NR5A2: variants seen among roughly 807,000 people sequenced by gnomAD.
NR5A2 encodes nuclear receptor subfamily 5 group A member 2.
In NR5A2, 26 loss-of-function variants were observed where a neutral mutation model predicts 62.7. That is an observed-to-expected ratio of 0.41 (90% CI 0.30 to 0.58). The LOEUF is 0.58. Among genes scored for constraint, NR5A2 ranks in the 20% least tolerant of loss-of-function variants. The probability of loss-of-function intolerance (pLI) is 0.22; values close to 1 mark genes in which losing one functional copy is unlikely to be tolerated. For synonymous variants in NR5A2, 246 were observed against 241.7 expected (o/e 1.02, Z -0.16); for missense variants, 541 against 669.1 (o/e 0.81, Z 2.11).
chr1:200,155,643 T>A (rs1653340263), intron 7 of NR5A2, among the ~76,000 whole-genome samples: 1 of 152,220 alleles, frequency 6.6e-6, no homozygotes, highest in Non-Finnish European at 1.5e-5. Context: ...AATGGAGGAT[T>A]AATGACAATG....
At chr1:200,058,102 T>C (rs1355305662) in intron 5 of NR5A2, 1 of 152,256 alleles carries the variant, frequency 6.6e-6, no homozygotes, top group East Asian at 1.9e-4. Context: ...TCAGCCAAAT[T>C]GTACTTTCAG....
At chr1:200,031,413 CTTGGGGG>C (rs1467488367) in intron 1 of NR5A2, among the ~76,000 whole-genome samples, 13 of 151,850 alleles carry the variant, frequency 8.6e-5, no homozygotes, top group African/African-American at 3.1e-4. Flanking sequence ...GTGACTAGGG[CTTGGGGG>C]TTGAGGTAGG....
chr1:200,030,169 G>A (rs1661500232), intron 1 of NR5A2, among the ~76,000 whole-genome samples: 1 of 152,184 alleles, frequency 6.6e-6, no homozygotes, highest in South Asian at 2.1e-4. Context: ...ATGGCAAATT[G>A]CAAGTTGGGC....
At chr1:200,100,254 C>T (rs1334601633) in intron 5 of NR5A2, among the ~76,000 whole-genome samples, 3 of 152,182 alleles carry the variant, frequency 2.0e-5, no homozygotes, top group Non-Finnish European at 4.4e-5. Context: ...TTTTCTAGTT[C>T]ATGAACATTT....
At chr1:200,095,799 G>A (rs145251232) in intron 5 of NR5A2, among the ~76,000 whole-genome samples, 306 of 152,074 alleles carry the variant, frequency 2.0e-3, no homozygotes, top group African/African-American at 6.7e-3. Flanking sequence ...TGATCTGCCC[G>A]CCTTGGCCTC....
chr1:200,138,673 G>A (rs943693021), intron 7 of NR5A2, among the ~76,000 whole-genome samples: 2 of 151,932 alleles, frequency 1.3e-5, no homozygotes, highest in African/African-American at 4.8e-5. Flanking sequence ...TTACTGAATC[G>A]CTTGTCTTTC....
intron 6 of NR5A2, among the ~76,000 whole-genome samples, chr1:200,114,716 C>T (rs1183722750): frequency 6.6e-6 from 1 of 152,124 alleles, no homozygotes; most frequent in East Asian, 1.9e-4. Context: ...GAGTCAACAA[C>T]CCCACGAAGA....
intron 5 of NR5A2, among the ~76,000 whole-genome samples, chr1:200,095,728 AT>A (rs3838440): frequency 0.88 from 133,908 of 151,790 alleles, 59,373 homozygotes; most frequent in African/African-American, 0.97. Context: ...AATTTTTTGT[AT>A]TTTTAGTAGA....
chr1:200,041,266 G>A (rs767287970), intron 2 of NR5A2, among the ~76,000 whole-genome samples: 1 of 152,184 alleles, frequency 6.6e-6, no homozygotes, highest in Non-Finnish European at 1.5e-5. Flanking sequence ...CGTTTTCTTT[G>A]GAAAGTTCGA....
chr1:200,111,292 G>A lies in NR5A2; in HGVS notation c.1201G>A (p.Gly401Arg), dbSNP rs757881323. The A allele has an allele frequency of 1.2e-6, 2 of 1,611,416 alleles. No individual in the cohort carries two copies. The highest frequency in any genetic ancestry group is 4.5e-5 in the East Asian group (2 of 44,828). Residue 401 changes from glycine to arginine, a missense_variant, in exon 6 of 8, where the codon GGA (glycine) becomes AGA (arginine). By Grantham distance (125) the Gly-to-Arg change is moderately radical (BLOSUM62 -2). Transcript: ENST00000367362. The stretch of plus-strand genomic sequence containing the variant: ...CCGACAAGTGGTACATGGAAAGGAA[G>A]GATCCATCTTCCTGGTTACTGGGCA... Reference protein sequence around the residue: ...IYRQVVHGKEGSIFLVTGQQV... With the variant: ...IYRQVVHGKERSIFLVTGQQV...
chr1:200,120,631 G>A (rs1215521275), intron 6 of NR5A2, among the ~76,000 whole-genome samples, 177 bp from the exon 7 acceptor site: 1 of 152,196 alleles, frequency 6.6e-6, no homozygotes, highest in East Asian at 1.9e-4. Flanking sequence ...GCCAAGGCCA[G>A]AGGATCACTT....
At chr1:200,128,406 T>C (rs1430968187) in intron 7 of NR5A2, among the ~76,000 whole-genome samples, 2 of 152,202 alleles carry the variant, frequency 1.3e-5, no homozygotes, top group Non-Finnish European at 2.9e-5. Flanking sequence ...CCTCACAGCT[T>C]TGGTACCTCT....
chr1:200,155,695 G>GA (rs1653344851), intron 7 of NR5A2, among the ~76,000 whole-genome samples: 3 of 134,814 alleles, frequency 2.2e-5, no homozygotes, highest in African/African-American at 8.3e-5. Flanking sequence ...TTTTTTTTTT[G>GA]GACAGTCTCA....
At chr1:200,079,416 C>T (rs1454228094) in intron 5 of NR5A2, among the ~76,000 whole-genome samples, 1 of 152,092 alleles carries the variant, frequency 6.6e-6, no homozygotes, top group Non-Finnish European at 1.5e-5. Flanking sequence ...GGAAGATGAA[C>T]AGGGGAAGGG....
chr1:200,115,912 C>G (rs140200169), intron 6 of NR5A2, among the ~76,000 whole-genome samples: 2 of 151,702 alleles, frequency 1.3e-5, no homozygotes, highest in African/African-American at 4.8e-5. Flanking sequence ...GTCAGAGGAA[C>G]AGTGACAGGC....
At chr1:200,113,952 G>A (rs1449674661) in intron 6 of NR5A2, among the ~76,000 whole-genome samples, 3 of 152,094 alleles carry the variant, frequency 2.0e-5, no homozygotes, top group Admixed American at 1.3e-4. Context: ...AGGCTGAGGC[G>A]GGTGGGTCAC....
rs1009187299 is a variant in NR5A2, at chr1:200,175,468, G to T, written c.*1258G>T. The T allele has an allele frequency of 1.3e-5, 2 of 152,620 alleles. No homozygotes were observed. The highest frequency in any genetic ancestry group is 2.9e-5 in the Non-Finnish European group (2 of 68,020). 9.5% of individuals were successfully genotyped at this position (152,620 alleles called of 1,614,324 possible). ...AACAAATATGGGAGGACAAAGAATCGCAAATTCTTCAAATGACTATTATCA... is the reference window on the plus strand; with the variant it reads ...AACAAATATGGGAGGACAAAGAATCTCAAATTCTTCAAATGACTATTATCA... On this transcript the variant is annotated 3_prime_UTR_variant, in exon 8 of 8. Transcript: ENST00000367362.
At chr1:200,029,361 C>T (rs1366056225) in intron 1 of NR5A2, 1 of 166,710 alleles carries the variant, frequency 6.0e-6, no homozygotes, top group East Asian at 1.9e-4. Flanking sequence ...CAGTCTCCCC[C>T]ACACCCCATG....
At chr1:200,173,110 GCTTT>G (rs1460944486) in intron 7 of NR5A2, among the ~76,000 whole-genome samples, 1 of 151,964 alleles carries the variant, frequency 6.6e-6, no homozygotes, top group Non-Finnish European at 1.5e-5. Context: ...TTTTATTCTG[GCTTT>G]CTCTCTTATT....
Sources: gnomAD v4.1 joint callset for allele counts (sites outside exome capture counted in the v4.1 genomes callset) on GRCh38, gnomAD v4.1.1 for gene constraint, MANE v1.5 for transcripts, NCBI Gene and HGNC (gene_info 2026-07-23, HGNC 2026-07-21) for gene names.